PTPRG: variants seen among roughly 807,000 people sequenced by gnomAD.
PTPRG encodes protein tyrosine phosphatase receptor type G.
PTPRG carries 102 observed loss-of-function variants against 165.3 expected under a neutral mutation model. The ratio of observed to expected loss-of-function variants is 0.62; its 90% confidence interval spans 0.53 to 0.73. The LOEUF (loss-of-function observed/expected upper bound fraction) is 0.73, where lower values mean the gene tolerates loss of function less well. Ranked by LOEUF, PTPRG falls within the 30% of genes least tolerant of loss-of-function variation. PTPRG has a pLI of 0.00. For missense variants in PTPRG, 1,866 were observed against 1,861.4 expected, an observed-to-expected ratio of 1.00 and a Z score of -0.05; for synonymous variants, 675 against 669.5, an observed-to-expected ratio of 1.01 and a Z score of -0.13.
intron 1 of PTPRG, among the ~76,000 whole-genome samples, chr3:61,730,314 G>C (rs896343366): frequency 3.9e-5 from 6 of 152,194 alleles, no homozygotes; most frequent in African/African-American, 1.4e-4. Flanking sequence ...TCTGTTGTGA[G>C]TCCTGTGACC....
At chr3:61,740,214 ATAT>A (rs1273536375) in intron 1 of PTPRG, among the ~76,000 whole-genome samples, 3 of 152,192 alleles carry the variant, frequency 2.0e-5, no homozygotes, top group African/African-American at 7.2e-5. Context: ...TTTCCTGGTA[ATAT>A]TATAGAATCA....
At chr3:61,906,929 C>A (rs1437950981) in intron 2 of PTPRG, among the ~76,000 whole-genome samples, 1 of 151,992 alleles carries the variant, frequency 6.6e-6, no homozygotes, top group Non-Finnish European at 1.5e-5. Flanking sequence ...AAAAAGGTGT[C>A]CTGGTTTTCT....
chr3:62,191,718 G>A, intron 9 of PTPRG, 65 bp downstream of exon 9: 1 of 1,467,438 alleles, frequency 6.8e-7, no homozygotes, highest in Non-Finnish European at 9.4e-7. Context: ...GCAGCTCTCT[G>A]CCAGGCACTG....
At chr3:62,062,159 C>A (rs142663171) in intron 4 of PTPRG, among the ~76,000 whole-genome samples, 12,212 of 151,904 alleles carry the variant, frequency 0.08, 546 homozygotes, top group South Asian at 0.099. Flanking sequence ...ATTAGCTGGG[C>A]GTGGTGGCGC....
At chr3:61,718,183 C>T (rs940112769) in intron 1 of PTPRG, among the ~76,000 whole-genome samples, 2 of 52,082 alleles carry the variant, frequency 3.8e-5, no homozygotes, top group Non-Finnish European at 8.3e-5. Context: ...CTGTCTAAAA[C>T]AAAACAAAAC....
chr3:61,664,763 G>A (rs562391506), intron 1 of PTPRG, among the ~76,000 whole-genome samples: 4 of 152,280 alleles, frequency 2.6e-5, no homozygotes, highest in Admixed American at 6.5e-5. Context: ...CCTGGGAGGC[G>A]GAGGTTGCGG....
Position 62,271,481 on chromosome 3 carries a change from T to TC in PTPRG, c.3110dup (p.Val1038SerfsTer50). ...ACATGGGAGTTCCCGAGTATGCCCT[T>TC]CCAGTACTGACTTTCGTGAGGAGAT... On this transcript the variant is annotated frameshift_variant, in exon 21 of 30. Coordinates refer to ENST00000474889, the MANE Select transcript of PTPRG (RefSeq NM_002841.4). LOFTEE classifies it high-confidence loss of function. This position sits in a 1 kb window ranked among gnomAD's most constrained non-coding sequence, Gnocchi z 4.1. 1 of 1,613,990 alleles carries TC rather than the reference T, an allele frequency of 6.2e-7. No individual in the cohort carries two copies. The highest frequency in any genetic ancestry group is 8.5e-7 in the Non-Finnish European group (1 of 1,179,870).
chr3:61,755,225 C>G (rs1014342999), intron 2 of PTPRG, among the ~76,000 whole-genome samples: 4 of 152,190 alleles, frequency 2.6e-5, no homozygotes, highest in African/African-American at 9.6e-5. Flanking sequence ...CAAGGCTGGT[C>G]TCGAACTCCT....
intron 6 of PTPRG, among the ~76,000 whole-genome samples, chr3:62,152,701 A>G (rs2106684030): frequency 6.6e-6 from 1 of 152,324 alleles, no homozygotes; most frequent in South Asian, 2.1e-4. Context: ...TAATTCTGTA[A>G]TGTATTGCTC....
At chr3:61,872,283 G>T (rs2037606997) in intron 2 of PTPRG, among the ~76,000 whole-genome samples, 1 of 152,132 alleles carries the variant, frequency 6.6e-6, no homozygotes, top group Non-Finnish European at 1.5e-5. Context: ...TGAGGCAGGG[G>T]ATCACTTGAG....
chr3:62,274,701 C>A (rs892397800), intron 23 of PTPRG, among the ~76,000 whole-genome samples: 2 of 152,004 alleles, frequency 1.3e-5, no homozygotes, highest in East Asian at 1.9e-4. Flanking sequence ...GCAAATTATA[C>A]CAAGTGATAT....
Position 62,124,313 on chromosome 3 carries a change from G to A in PTPRG, c.616-8289G>A, listed in dbSNP as rs534205106. ...GTTGAGGGTGGTCAGCGGCATCCTG[G>A]ATGCCTGGTTCTGCCCGGGTCTCTG... On this transcript the variant is annotated intron_variant, in intron 5 of 29. Transcript: ENST00000474889. 136 of 1,607,550 alleles carry A rather than the reference G, an allele frequency of 8.5e-5. No individual in the cohort carries two copies. The African/African-American group carries it at 1.7e-3, about 20-fold the overall frequency.
intron 1 of PTPRG, among the ~76,000 whole-genome samples, chr3:61,658,760 TGA>T (rs1246346684): frequency 6.6e-6 from 1 of 152,168 alleles, no homozygotes; most frequent in Non-Finnish European, 1.5e-5. Flanking sequence ...AATGAAAGGA[TGA>T]GTTTGCTAGA....
At chr3:61,808,878 C>A (rs1169962820) in intron 2 of PTPRG, among the ~76,000 whole-genome samples, 3 of 151,340 alleles carry the variant, frequency 2.0e-5, no homozygotes, top group African/African-American at 7.3e-5. Flanking sequence ...AAAGTTTAGA[C>A]CTTTTGTATC....
chr3:62,160,142 C>T (rs1199318671), intron 7 of PTPRG, among the ~76,000 whole-genome samples: 2 of 152,194 alleles, frequency 1.3e-5, no homozygotes, highest in East Asian at 3.8e-4. Flanking sequence ...CCCTGTCATC[C>T]AGCATGGGTG....
chr3:62,262,823 T>A lies in PTPRG; in HGVS notation c.2585T>A (p.Met862Lys). ...GAAGTCCAGCGCTGTACTGCTGATATGAACATCACTGCAGAGCATTCCAAT... is the reference window on the plus strand; with the variant it reads ...GAAGTCCAGCGCTGTACTGCTGATAAGAACATCACTGCAGAGCATTCCAAT... ...FEEVQRCTAD[M>K]NITAEHSNHP... is the part of the protein sequence containing the mutation. The change falls in exon 17 of 30, where the codon ATG (methionine) becomes AAG (lysine). Residue 862 changes from methionine to lysine, a missense_variant. Physicochemically the swap from Met to Lys is moderately conservative, Grantham distance 95. This residue lies in a region of PTPRG where 1,452 missense variants were observed against 1,463.0 expected (regional missense o/e 0.99). Transcript: ENST00000474889. 1 of 1,613,804 alleles carries A rather than the reference T, an allele frequency of 6.2e-7. No individual in the cohort carries two copies. The highest frequency in any genetic ancestry group is 1.7e-4 in the Middle Eastern group (1 of 6,060).
chr3:62,138,331 C>T (rs1703793714), intron 6 of PTPRG, among the ~76,000 whole-genome samples: 1 of 152,212 alleles, frequency 6.6e-6, no homozygotes, highest in African/African-American at 2.4e-5. Context: ...TGCATTCCCA[C>T]ATCATTGTTG....
intron 1 of PTPRG, among the ~76,000 whole-genome samples, chr3:61,703,795 A>T (rs1293359525): frequency 6.6e-6 from 1 of 152,186 alleles, no homozygotes; most frequent in East Asian, 1.9e-4. Flanking sequence ...GAAATTCCCA[A>T]TTCTATTATT....
chr3:62,029,988 CT>C (rs1699709569), intron 4 of PTPRG, among the ~76,000 whole-genome samples: 1 of 152,126 alleles, frequency 6.6e-6, no homozygotes, highest in South Asian at 2.1e-4. Context: ...TCATGATTAT[CT>C]TTACATTCTG....
Sources: gnomAD v4.1 joint callset for allele counts (sites outside exome capture counted in the v4.1 genomes callset) on GRCh38, gnomAD v4.1.1 for gene constraint, gnomAD v4.1.1 regional missense constraint, Gnocchi (gnomAD v3.1) non-coding constraint, MANE v1.5 for transcripts, NCBI Gene and HGNC (gene_info 2026-07-23, HGNC 2026-07-21) for gene names.